Variants in DCHS2 observed in about 807,000 individuals in gnomAD.
The protein encoded by DCHS2 is dachsous cadherin-related 2.
A neutral mutation model predicts 182.4 loss-of-function variants in DCHS2; 142 were observed. That is an observed-to-expected ratio of 0.78 (90% CI 0.68 to 0.89). The LOEUF (loss-of-function observed/expected upper bound fraction) is 0.89. DCHS2 is among the 40% of genes least tolerant of loss of function. The probability of loss-of-function intolerance (pLI) is 0.00; values close to 1 mark genes in which losing one functional copy is unlikely to be tolerated. For missense variants in DCHS2, 4,319 were observed against 4,198.6 expected (o/e 1.03, Z -0.79); for synonymous variants, 1,740 against 1,663.3 (o/e 1.05, Z -1.12).
Position 154,490,730 on chromosome 4 carries a change from G to GGT in DCHS2, c.624_625dup (p.Pro209HisfsTer39), listed in dbSNP as rs1367987670. On this transcript the variant is annotated frameshift_variant, in exon 1 of 20. Transcript: ENST00000357232. LOFTEE classifies it high-confidence loss of function. ...TGCGGGGTCCTTGGGCAGGTCGGAC[G>GGT]GTTGCACCAGGGTGTAGCCCTGAGT... The GGT allele has an allele frequency of 7.1e-6, 11 of 1,551,624 alleles. No individual in the cohort carries two copies. In the East Asian group the frequency reaches 2.4e-4, roughly 34 times the overall value.
At chr4:154,324,139 CT>C (rs1395981213) in intron 7 of DCHS2, among the ~76,000 whole-genome samples, 4 of 152,154 alleles carry the variant, frequency 2.6e-5, no homozygotes, top group African/African-American at 9.7e-5. Context: ...AAAATTTTGT[CT>C]TGCTTTTGTT....
chr4:154,373,269 T>G (rs564850046), intron 2 of DCHS2, among the ~76,000 whole-genome samples: 4 of 152,204 alleles, frequency 2.6e-5, no homozygotes, highest in Non-Finnish European at 5.9e-5. Context: ...TATGCATTTC[T>G]GAGGGACATG....
intron 13 of DCHS2, among the ~76,000 whole-genome samples, chr4:154,279,962 G>T: frequency 6.6e-6 from 1 of 151,666 alleles, no homozygotes. Flanking sequence ...AATAAAATTG[G>T]CAAAGCCTTA....
intron 1 of DCHS2, among the ~76,000 whole-genome samples, chr4:154,434,284 T>C (rs2110941679): frequency 6.6e-6 from 1 of 152,178 alleles, no homozygotes; most frequent in East Asian, 1.9e-4. Context: ...TAGCCAAGCA[T>C]GGAGGTGTGC....
intron 9 of DCHS2, among the ~76,000 whole-genome samples, chr4:154,319,238 A>G (rs1273946060): frequency 1.3e-5 from 2 of 152,284 alleles, no homozygotes; most frequent in East Asian, 3.9e-4. Flanking sequence ...GAAACTATAA[A>G]GGTCCTACAA....
At chr4:154,423,628 C>T (rs934862655) in intron 1 of DCHS2, among the ~76,000 whole-genome samples, 4 of 152,176 alleles carry the variant, frequency 2.6e-5, no homozygotes, top group African/African-American at 9.7e-5. Flanking sequence ...CTTTTCATCA[C>T]TGAAATAATA....
intron 13 of DCHS2, among the ~76,000 whole-genome samples, chr4:154,282,631 T>C (rs1734205118): frequency 6.6e-6 from 1 of 152,018 alleles, no homozygotes; most frequent in Non-Finnish European, 1.5e-5. Flanking sequence ...CCTCAAAAAA[T>C]TAAAAATAGA....
At chr4:154,356,968 T>A (rs1356058565) in intron 3 of DCHS2, among the ~76,000 whole-genome samples, 3 of 152,102 alleles carry the variant, frequency 2.0e-5, no homozygotes, top group African/African-American at 7.2e-5. Flanking sequence ...TTTCCTTATC[T>A]AGTAGTTGTT....
chr4:154,407,417 C>A (rs529995526), intron 1 of DCHS2, among the ~76,000 whole-genome samples: 5 of 152,194 alleles, frequency 3.3e-5, no homozygotes, highest in Non-Finnish European at 7.3e-5. Context: ...GTGGTGGAGG[C>A]AGAGGTTATG....
intron 3 of DCHS2, among the ~76,000 whole-genome samples, chr4:154,364,582 G>T (rs539774278): frequency 6.6e-6 from 1 of 152,324 alleles, no homozygotes; most frequent in East Asian, 1.9e-4. Context: ...AGCAAGGAAA[G>T]TTTTGCCTTA....
intron 1 of DCHS2, among the ~76,000 whole-genome samples, chr4:154,435,207 T>C (rs895279010): frequency 6.6e-6 from 1 of 152,204 alleles, no homozygotes; most frequent in African/African-American, 2.4e-5. Flanking sequence ...AAAAAAATTA[T>C]AAAACTTATT....
intron 13 of DCHS2, among the ~76,000 whole-genome samples, chr4:154,289,305 A>G (rs1273383892): frequency 2.0e-5 from 3 of 152,044 alleles, no homozygotes; most frequent in Non-Finnish European, 1.5e-5. Context: ...GCTACTATGA[A>G]CAATTATACA....
At chr4:154,393,489 G>T (rs1323639959) in intron 1 of DCHS2, among the ~76,000 whole-genome samples, 4 of 152,160 alleles carry the variant, frequency 2.6e-5, no homozygotes, top group South Asian at 2.1e-4. Flanking sequence ...AGTTTAATCA[G>T]ATGTTGTATT....
chr4:154,412,905 A>G (rs568530274), intron 1 of DCHS2, among the ~76,000 whole-genome samples: 1 of 152,340 alleles, frequency 6.6e-6, no homozygotes, highest in South Asian at 2.1e-4. Context: ...TATTGCAACT[A>G]TGCAAATCAT....
intron 1 of DCHS2, among the ~76,000 whole-genome samples, chr4:154,407,594 C>T (rs556544830): frequency 7.2e-4 from 109 of 152,254 alleles, no homozygotes; most frequent in African/African-American, 2.5e-3. Flanking sequence ...CACATTTCAC[C>T]AGAAACAAAG....
chr4:154,441,592 ACTC>A (rs1233234124), intron 1 of DCHS2, among the ~76,000 whole-genome samples: 1 of 150,068 alleles, frequency 6.7e-6, no homozygotes, highest in East Asian at 2.0e-4. Flanking sequence ...CATTGTGAAA[ACTC>A]CTCTTGTACC....
intron 12 of DCHS2, 100 bp from the exon 13 acceptor site, chr4:154,298,808 AT>A: frequency 2.0e-5 from 29 of 1,421,890 alleles, no homozygotes; most frequent in Non-Finnish European, 2.7e-5. Flanking sequence ...TTAAAAATAT[AT>A]TTATTCCCGA....
intron 1 of DCHS2, among the ~76,000 whole-genome samples, chr4:154,378,972 A>G (rs1046577205): frequency 2.6e-5 from 4 of 152,170 alleles, no homozygotes; most frequent in Non-Finnish European, 5.9e-5. Context: ...GAAGAAAGGC[A>G]ACTAGTAGTG....
At chr4:154,365,810 G>A (rs774513431) in intron 3 of DCHS2, among the ~76,000 whole-genome samples, 27 of 151,292 alleles carry the variant, frequency 1.8e-4, no homozygotes, top group Non-Finnish European at 3.2e-4. Context: ...CACCACGTCC[G>A]GCTAATTTTT....
Sources: allele counts gnomAD v4.1 joint callset (sites outside exome capture counted in the v4.1 genomes callset), GRCh38; gene constraint gnomAD v4.1.1; transcripts MANE v1.5; gene names NCBI Gene and HGNC (gene_info 2026-07-23, HGNC 2026-07-21).